Variants in MLLT3 observed in about 807,000 individuals in gnomAD.
The protein encoded by MLLT3 is MLLT3 super elongation complex subunit.
In MLLT3, 4 loss-of-function variants were observed where a neutral mutation model predicts 53.2. The observed-to-expected ratio is 0.08, with a 90% CI of 0.04 to 0.17. The LOEUF (loss-of-function observed/expected upper bound fraction) is 0.17, where lower values mean the gene tolerates loss of function less well. Among genes scored for constraint, MLLT3 ranks in the 10% least tolerant of loss-of-function variants. The pLI, the probability that MLLT3 is intolerant of heterozygous loss-of-function variation, is 1.00. For synonymous variants in MLLT3, 283 were observed against 230.6 expected, an observed-to-expected ratio of 1.23 and a Z score of -2.06; for missense variants, 569 against 684.0, an observed-to-expected ratio of 0.83 and a Z score of 1.87.
chr9:20,617,082 G>A (rs1448889972), intron 2 of MLLT3, among the ~76,000 whole-genome samples: 1 of 152,078 alleles, frequency 6.6e-6, no homozygotes, highest in Non-Finnish European at 1.5e-5. Flanking sequence ...TGTTCTCACT[G>A]GTCATCTAAA....
chr9:20,496,976 C>T lies in MLLT3; in HGVS notation c.194-40190G>A, dbSNP rs960968306. Among the ~76,000 whole-genome samples the T allele has an allele frequency of 3.3e-5, 5 of 152,216 alleles. No homozygotes were observed. The South Asian group carries it at 6.2e-4, about 19-fold the overall frequency. The stretch of plus-strand genomic sequence containing the variant: ...CCCTCTTGGACTTTCACTTGTCAAG[C>T]TTCCACTATAAATGCTTAAGATTTA... On this transcript the variant is annotated intron_variant, in intron 2 of 10. Transcript: ENST00000380338.
At chr9:20,574,025 T>C (rs1819594761) in intron 2 of MLLT3, among the ~76,000 whole-genome samples, 1 of 152,194 alleles carries the variant, frequency 6.6e-6, no homozygotes, top group Admixed American at 6.5e-5. Flanking sequence ...AATCACTTCA[T>C]ATCAAAGTTC....
intron 2 of MLLT3, among the ~76,000 whole-genome samples, chr9:20,604,386 TAA>T (rs1820512039): frequency 6.6e-6 from 1 of 150,828 alleles, no homozygotes; most frequent in Non-Finnish European, 1.5e-5. Flanking sequence ...CACAGTTTTC[TAA>T]AAGTCTTCAG....
At chr9:20,615,360 G>GAAAAAAAAAAAAAAAAAAAAAAAAAAA (rs10601830) in intron 2 of MLLT3, among the ~76,000 whole-genome samples, 1 of 48,758 alleles carries the variant, frequency 2.1e-5, no homozygotes, top group African/African-American at 7.0e-5. Context: ...CAGACCATGT[G>GAAAAAAAAAAAAAAAAAAAAAAAAAAA]AAAAAAAAAA....
At position 20,516,215 on chromosome 9, in the gene MLLT3, G is replaced by C. The variant is rs982571758; in HGVS notation, c.194-59429C>G. 3.9e-5 allele frequency among the ~76,000 whole-genome samples: 6 copies of C among 152,138 alleles called. 1 individual carries two copies. The East Asian group carries it at 1.2e-3, about 29-fold the overall frequency. On this transcript the variant is annotated intron_variant, in intron 2 of 10. Transcript: ENST00000380338. ...AGGAGAAAGTATCCCCATCACATAA[G>C]CTTGGAAACAAATGTTTACACTAAA...
intron 2 of MLLT3, among the ~76,000 whole-genome samples, chr9:20,562,113 T>C (rs1373571118): frequency 6.6e-6 from 1 of 152,144 alleles, no homozygotes; most frequent in African/African-American, 2.4e-5. Context: ...TGAGGAGATA[T>C]ATAAAGCCAT....
chr9:20,542,938 C>T (rs947298116), intron 2 of MLLT3, among the ~76,000 whole-genome samples: 9 of 152,212 alleles, frequency 5.9e-5, no homozygotes, highest in African/African-American at 1.7e-4. Context: ...TGCTGCTTCA[C>T]CTTGCACTTT....
At chr9:20,521,704 G>A (rs1270740364) in intron 2 of MLLT3, among the ~76,000 whole-genome samples, 1 of 152,158 alleles carries the variant, frequency 6.6e-6, no homozygotes, top group East Asian at 1.9e-4. Flanking sequence ...AGTAATGCAT[G>A]AAAAAGAAAA....
intron 4 of MLLT3, among the ~76,000 whole-genome samples, chr9:20,419,207 A>C (rs905648500): frequency 6.6e-6 from 1 of 152,230 alleles, no homozygotes; most frequent in Admixed American, 6.5e-5. Context: ...TTTAATTAAA[A>C]ACTAAAATTT....
At chr9:20,547,460 A>C (rs1439700520) in intron 2 of MLLT3, among the ~76,000 whole-genome samples, 1 of 151,876 alleles carries the variant, frequency 6.6e-6, no homozygotes, top group African/African-American at 2.4e-5. Context: ...CCCGGCCAAC[A>C]TGATGAAACC....
At chr9:20,617,824 C>T (rs887128103) in intron 2 of MLLT3, among the ~76,000 whole-genome samples, 25 of 152,084 alleles carry the variant, frequency 1.6e-4, no homozygotes, top group African/African-American at 5.8e-4. Flanking sequence ...AGAGTAAAAC[C>T]TCATTAATTC....
At chr9:20,419,434 C>T (rs1446971576) in intron 4 of MLLT3, among the ~76,000 whole-genome samples, 1 of 147,066 alleles carries the variant, frequency 6.8e-6, no homozygotes, top group East Asian at 2.0e-4. Context: ...AGAGAAAAGA[C>T]AGAAGAGGTA....
chr9:20,535,086 T>A (rs534915969), intron 2 of MLLT3, among the ~76,000 whole-genome samples: 30 of 152,220 alleles, frequency 2.0e-4, no homozygotes, highest in African/African-American at 7.2e-4. Flanking sequence ...CCCTGGCCTG[T>A]TAGGTACGGG....
At chr9:20,571,688 G>A (rs1199128192) in intron 2 of MLLT3, among the ~76,000 whole-genome samples, 1 of 152,016 alleles carries the variant, frequency 6.6e-6, no homozygotes, top group East Asian at 1.9e-4. Context: ...AGAACATGCA[G>A]AAAACAACCT....
chr9:20,611,014 G>C (rs146309638), intron 2 of MLLT3, among the ~76,000 whole-genome samples: 9 of 152,068 alleles, frequency 5.9e-5, no homozygotes, highest in African/African-American at 2.2e-4. Flanking sequence ...TAAAATGAAG[G>C]AAAATACTAT....
intron 2 of MLLT3, among the ~76,000 whole-genome samples, chr9:20,618,884 A>G (rs748870517): frequency 2.0e-5 from 3 of 152,106 alleles, no homozygotes; most frequent in African/African-American, 4.8e-5. Flanking sequence ...CAAGGTGCCT[A>G]AACAAAGTTA....
chr9:20,601,410 T>C (rs1193237366), intron 2 of MLLT3, among the ~76,000 whole-genome samples: 1 of 152,208 alleles, frequency 6.6e-6, no homozygotes, highest in Non-Finnish European at 1.5e-5. Context: ...GTGGAAAATA[T>C]GTAACTTTTA....
At chr9:20,531,415 T>TGTGAGCCACTGTACCTGGC (rs1818333590) in intron 2 of MLLT3, among the ~76,000 whole-genome samples, 1 of 152,196 alleles carries the variant, frequency 6.6e-6, no homozygotes, top group African/African-American at 2.4e-5. Context: ...GGATTACAGG[T>TGTGAGCCACTGTACCTGGC]GTGAGCCACT....
chr9:20,376,352 C>T (rs1195271995), intron 5 of MLLT3, among the ~76,000 whole-genome samples: 1 of 152,108 alleles, frequency 6.6e-6, no homozygotes, highest in East Asian at 1.9e-4. Context: ...TTGTTATACC[C>T]ATCATTTTCT....
Sources: allele counts gnomAD v4.1 joint callset (sites outside exome capture counted in the v4.1 genomes callset), GRCh38; gene constraint gnomAD v4.1.1; transcripts MANE v1.5; gene names NCBI Gene and HGNC (gene_info 2026-07-23, HGNC 2026-07-21).